Variants in TNRC6C observed in about 807,000 individuals in gnomAD.
TNRC6C encodes trinucleotide repeat containing adaptor 6C, also known as trinucleotide repeat-containing gene 6C protein.
A neutral mutation model predicts 153.7 loss-of-function variants in TNRC6C; 20 were observed. The ratio of observed to expected loss-of-function variants is 0.13; its 90% CI spans 0.09 to 0.19. The LOEUF is 0.19. Ranked by LOEUF, TNRC6C falls within the 10% of genes least tolerant of loss-of-function variation. TNRC6C has a pLI of 1.00. For missense variants in TNRC6C, 1,987 were observed against 2,172.0 expected (o/e 0.91, Z 1.69); for synonymous variants, 811 against 841.4 (o/e 0.96, Z 0.63).
intron 1 of TNRC6C, among the ~76,000 whole-genome samples, chr17:78,017,560 A>C (rs989583407): frequency 2.6e-5 from 4 of 151,810 alleles, no homozygotes; most frequent in African/African-American, 9.7e-5. Flanking sequence ...ATGGGTTAAC[A>C]ATTGTAGCAA....
chr17:78,034,297 TC>T (rs958008212), intron 2 of TNRC6C, among the ~76,000 whole-genome samples: 2 of 151,884 alleles, frequency 1.3e-5, no homozygotes, highest in Non-Finnish European at 2.9e-5. Flanking sequence ...CCTCAGGTGA[TC>T]CGCCTGCCTC....
chr17:78,056,360 G>A (rs1247317027), intron 3 of TNRC6C, among the ~76,000 whole-genome samples: 1 of 151,524 alleles, frequency 6.6e-6, no homozygotes, highest in African/African-American at 2.4e-5. Context: ...GTTTCACCAT[G>A]TTGGCCAGGC....
intron 1 of TNRC6C, among the ~76,000 whole-genome samples, chr17:77,995,063 T>C (rs1034682792): frequency 1.3e-5 from 2 of 152,220 alleles, no homozygotes; most frequent in African/African-American, 4.8e-5. Flanking sequence ...AATTGTTAAC[T>C]GTAATGGGAT....
At chr17:78,086,828 A>G (rs1406310262) in intron 12 of TNRC6C, 25 bp from the exon 15 acceptor site, 2 of 1,607,728 alleles carry the variant, frequency 1.2e-6, no homozygotes, top group African/African-American at 1.3e-5. Flanking sequence ...CACCTAGTTA[A>G]CGCACCTATG....
At chr17:78,031,810 G>C (rs1598712020) in exon 2 of TNRC6C, 2 of 1,232,240 alleles carry the variant, frequency 1.6e-6, no homozygotes, top group African/African-American at 3.1e-5. Context: ...CCTGGAGCCG[G>C]AACACAGCAT....
At chr17:78,102,305 G>GT (rs1420637849) in intron 17 of TNRC6C, among the ~76,000 whole-genome samples, 169 bp from the exon 21 acceptor site, 1 of 152,208 alleles carries the variant, frequency 6.6e-6, no homozygotes, top group Non-Finnish European at 1.5e-5. Context: ...GGACTGTGAG[G>GT]TTTTGGTTTA....
intron 1 of TNRC6C, among the ~76,000 whole-genome samples, chr17:77,997,852 C>T (rs958324814): frequency 5.3e-5 from 8 of 151,938 alleles, no homozygotes; most frequent in Non-Finnish European, 8.8e-5. Context: ...GACGGGGTTT[C>T]ACCGTGTTAG....
intron 1 of TNRC6C, among the ~76,000 whole-genome samples, chr17:77,962,926 T>C (rs553422162): frequency 1.9e-4 from 29 of 152,336 alleles, no homozygotes; most frequent in Non-Finnish European, 2.6e-4. Context: ...GAAGATGTCA[T>C]AGATTTGAGT....
At chr17:78,088,758 A>T (rs1413158589) in intron 13 of TNRC6C, among the ~76,000 whole-genome samples, 1 of 151,664 alleles carries the variant, frequency 6.6e-6, no homozygotes, top group Non-Finnish European at 1.5e-5. Context: ...GAGCCATCAC[A>T]CCTGGCCTAA....
upstream of TNRC6C, among the ~76,000 whole-genome samples, chr17:77,958,936 T>G (rs1033678070): frequency 7.0e-6 from 1 of 142,686 alleles, no homozygotes; most frequent in Non-Finnish European, 1.5e-5. Context: ...CGCCCAGCCG[T>G]CCGCAGCTGC....
exon 3 of TNRC6C, chr17:78,050,836 T>C (rs753663998): frequency 6.2e-7 from 1 of 1,613,644 alleles, no homozygotes; most frequent in Non-Finnish European, 8.5e-7. Context: ...AAATCCAGCC[T>C]GGAGTGCAGG....
chr17:77,962,577 A>T (rs1598634429), intron 1 of TNRC6C, among the ~76,000 whole-genome samples: 1 of 152,212 alleles, frequency 6.6e-6, no homozygotes, highest in East Asian at 1.9e-4. Context: ...TGGAGCTGGC[A>T]GAAGGATAGG....
chr17:77,974,463 C>T (rs1314368843), intron 1 of TNRC6C, among the ~76,000 whole-genome samples: 2 of 152,004 alleles, frequency 1.3e-5, no homozygotes, highest in African/African-American at 2.4e-5. Context: ...GTCATGTCCC[C>T]TCTTTCATTA....
At chr17:78,042,196 TAAC>T (rs969534567) in intron 2 of TNRC6C, among the ~76,000 whole-genome samples, 5 of 152,212 alleles carry the variant, frequency 3.3e-5, no homozygotes, top group East Asian at 1.9e-4. Flanking sequence ...GTAAACCACT[TAAC>T]AGCAGAAGAA....
exon 3 of TNRC6C, chr17:78,050,902 A>G: frequency 6.2e-7 from 1 of 1,613,982 alleles, no homozygotes; most frequent in Non-Finnish European, 8.5e-7. Context: ...GGATGGGAAA[A>G]AAAATGGATC....
At chr17:78,057,948 T>C (rs188663169) in intron 3 of TNRC6C, among the ~76,000 whole-genome samples, 25 of 152,288 alleles carry the variant, frequency 1.6e-4, no homozygotes, top group Admixed American at 7.2e-4. Context: ...TTTTAGGAAA[T>C]GCAGTATAGC....
At chr17:78,084,207 C>T (rs1237551219) in intron 11 of TNRC6C, among the ~76,000 whole-genome samples, 1 of 151,448 alleles carries the variant, frequency 6.6e-6, no homozygotes. Context: ...TCGCTTGAAC[C>T]TGGAAGGCGG....
chr17:77,984,708 C>T (rs1175460822), intron 1 of TNRC6C, among the ~76,000 whole-genome samples: 1 of 152,156 alleles, frequency 6.6e-6, no homozygotes, highest in Admixed American at 6.5e-5. Context: ...TGTGGACCAC[C>T]TCTTCCCTGT....
intron 1 of TNRC6C, among the ~76,000 whole-genome samples, chr17:77,966,602 T>C (rs577238117): frequency 6.6e-6 from 1 of 152,338 alleles, no homozygotes; most frequent in East Asian, 1.9e-4. Flanking sequence ...ACATTCTTTT[T>C]AGATGCTGAT....
Sources: gnomAD v4.1 joint callset for allele counts (sites outside exome capture counted in the v4.1 genomes callset) on GRCh38, gnomAD v4.1.1 for gene constraint, MANE v1.5 for transcripts, NCBI Gene and HGNC (gene_info 2026-07-23, HGNC 2026-07-21) for gene names.